ST6GALNAC5: variants seen among roughly 807,000 people sequenced by gnomAD.
The protein encoded by ST6GALNAC5 is ST6 N-acetylgalactosaminide alpha-2,6-sialyltransferase 5, also known as alpha-N-acetylgalactosaminide alpha-2,6-sialyltransferase 5.
A neutral mutation model predicts 33.6 loss-of-function variants in ST6GALNAC5; 27 were observed. The ratio of observed to expected loss-of-function variants is 0.80; its 90% CI spans 0.59 to 1.11. The LOEUF (loss-of-function observed/expected upper bound fraction) is 1.11. ST6GALNAC5 is among the 50% of genes least tolerant of loss of function. The probability of loss-of-function intolerance (pLI) is 0.00; values close to 1 mark genes in which losing one functional copy is unlikely to be tolerated. For synonymous variants in ST6GALNAC5, 194 were observed against 171.2 expected (o/e 1.13, Z -1.04); for missense variants, 428 against 454.0 (o/e 0.94, Z 0.52).
At chr1:77,040,608 C>T (rs996458205) in intron 2 of ST6GALNAC5, among the ~76,000 whole-genome samples, 4 of 152,132 alleles carry the variant, frequency 2.6e-5, no homozygotes, top group Non-Finnish European at 5.9e-5. Flanking sequence ...GCCCCTAAGG[C>T]GATGTGTTTC....
chr1:76,869,867 G>A (rs1522624), intron 2 of ST6GALNAC5, among the ~76,000 whole-genome samples: 4,452 of 152,280 alleles, frequency 0.029, 206 homozygotes, highest in African/African-American at 0.1. Flanking sequence ...AATGTGTGTA[G>A]ATGGATAAAC....
intron 2 of ST6GALNAC5, among the ~76,000 whole-genome samples, chr1:76,869,804 G>A (rs1229266356): frequency 1.3e-5 from 2 of 152,168 alleles, no homozygotes; most frequent in East Asian, 1.9e-4. Context: ...ATTTAAGGCA[G>A]GACCCAGTCT....
rs113863201 is a variant in ST6GALNAC5 at position 76,909,384 on chromosome 1, G to A, written c.261+40642G>A. On this transcript the variant is annotated intron_variant, in intron 2 of 4. Coordinates refer to ENST00000477717, the MANE Select transcript of ST6GALNAC5 (RefSeq NM_030965.3). Reference sequence around the variant, plus strand: ...AAAAATGGGGATTCTGCTGTTTAAAGGATCATCTTGCAGGGTTGTTATGAA... The same window carrying A: ...AAAAATGGGGATTCTGCTGTTTAAAAGATCATCTTGCAGGGTTGTTATGAA... Among the ~76,000 whole-genome samples, 9 of 152,136 alleles carry A rather than the reference G, an allele frequency of 5.9e-5. 1 individual carries two copies. Among genetic ancestry groups the A allele is most frequent in the African/African-American group, 2.2e-4 (9 of 41,542 alleles).
At chr1:76,911,882 G>GA (rs1225772501) in intron 2 of ST6GALNAC5, among the ~76,000 whole-genome samples, 1 of 152,088 alleles carries the variant, frequency 6.6e-6, no homozygotes, top group Non-Finnish European at 1.5e-5. Context: ...CCAGCTCCTG[G>GA]ATTCATTAAT....
At chr1:76,985,225 G>A (rs879983985) in intron 2 of ST6GALNAC5, among the ~76,000 whole-genome samples, 16 of 152,160 alleles carry the variant, frequency 1.1e-4, no homozygotes, top group African/African-American at 3.9e-4. Context: ...AAGTCAAATT[G>A]TCCCTTTTTG....
In ST6GALNAC5 at chr1:77,063,235, G is replaced by C. The variant is rs368101717; in HGVS notation, c.*29G>C. ...ATGAGCATGCCAGACTGTAATCCCA[G>C]GTATTCACTGCATCAGACACCGAGA... On this transcript the variant is annotated 3_prime_UTR_variant, in exon 5 of 5. Coordinates refer to ENST00000477717, the MANE Select transcript of ST6GALNAC5 (RefSeq NM_030965.3). The C allele has an allele frequency of 2.0e-5, 32 of 1,594,966 alleles. No homozygotes were observed. Among genetic ancestry groups the C allele is most frequent in the Non-Finnish European group, 2.7e-5 (31 of 1,163,974 alleles).
At position 76,916,046 on chromosome 1, in the gene ST6GALNAC5, G is replaced by T. The variant is rs115067431; in HGVS notation, c.261+47304G>T. 4.2e-3 allele frequency among the ~76,000 whole-genome samples: 637 copies of T among 150,424 alleles called. 7 individuals carry two copies. The highest frequency in any genetic ancestry group is 0.015 in the African/African-American group (603 of 41,144). On this transcript the variant is annotated intron_variant, in intron 2 of 4. Transcript: ENST00000477717. ...AAAAACTCATTGAAATACTCCTGTA[G>T]AATAGATTGCTCACTTTTCCTTGCT...
intron 2 of ST6GALNAC5, among the ~76,000 whole-genome samples, chr1:76,889,272 G>T (rs1653964151): frequency 6.6e-6 from 1 of 151,956 alleles, no homozygotes; most frequent in Non-Finnish European, 1.5e-5. Flanking sequence ...CTTCCAAATT[G>T]GATATTAGCA....
At chr1:76,891,470 T>C (rs920065306) in intron 2 of ST6GALNAC5, among the ~76,000 whole-genome samples, 4 of 152,212 alleles carry the variant, frequency 2.6e-5, no homozygotes, top group Non-Finnish European at 5.9e-5. Context: ...GTTTTTAATA[T>C]ATTCTGGATA....
At chr1:77,016,864 A>G (rs1480615527) in intron 2 of ST6GALNAC5, among the ~76,000 whole-genome samples, 1 of 152,170 alleles carries the variant, frequency 6.6e-6, no homozygotes, top group Non-Finnish European at 1.5e-5. Context: ...TCCCTTTTTA[A>G]TTGGGTGAAA....
intron 2 of ST6GALNAC5, among the ~76,000 whole-genome samples, chr1:76,968,163 T>C (rs1648578614): frequency 1.3e-5 from 2 of 152,188 alleles, no homozygotes; most frequent in African/African-American, 4.8e-5. Flanking sequence ...CGTTGATCTG[T>C]CTAATATTGA....
At chr1:76,960,180 T>A (rs1342125914) in intron 2 of ST6GALNAC5, among the ~76,000 whole-genome samples, 1 of 152,136 alleles carries the variant, frequency 6.6e-6, no homozygotes, top group Non-Finnish European at 1.5e-5. Flanking sequence ...TTTCCCTAAG[T>A]GTCAGTCGGT....
chr1:77,050,232 G>A, intron 3 of ST6GALNAC5, 26 bp from the exon 4 acceptor site: 4 of 1,601,964 alleles, frequency 2.5e-6, no homozygotes, highest in Non-Finnish European at 3.4e-6. Flanking sequence ...TTACCAGCTT[G>A]CAGACTTAAT....
intron 3 of ST6GALNAC5, among the ~76,000 whole-genome samples, chr1:77,047,695 C>G (rs903026050): frequency 2.0e-5 from 3 of 152,140 alleles, no homozygotes; most frequent in African/African-American, 7.2e-5. Flanking sequence ...GATTCAGAAC[C>G]AATATTATAG....
chr1:76,916,355 T>A (rs1308404674), intron 2 of ST6GALNAC5, among the ~76,000 whole-genome samples: 1 of 152,218 alleles, frequency 6.6e-6, no homozygotes, highest in Admixed American at 6.6e-5. Flanking sequence ...CTCAATCTTC[T>A]TGTTTTCTCT....
intron 2 of ST6GALNAC5, among the ~76,000 whole-genome samples, chr1:77,003,629 C>G (rs964854400): frequency 1.3e-5 from 2 of 152,058 alleles, no homozygotes; most frequent in African/African-American, 4.8e-5. Flanking sequence ...GCGGCTGGTA[C>G]TGGTTGTTCC....
At chr1:76,968,189 G>T (rs181877662) in intron 2 of ST6GALNAC5, among the ~76,000 whole-genome samples, 3 of 152,122 alleles carry the variant, frequency 2.0e-5, no homozygotes, top group Admixed American at 1.3e-4. Context: ...GGGTGTTAAA[G>T]TCTCCCATTA....
chr1:76,870,413 A>C (rs1046699345), intron 2 of ST6GALNAC5, among the ~76,000 whole-genome samples: 1 of 152,228 alleles, frequency 6.6e-6, no homozygotes, highest in Non-Finnish European at 1.5e-5. Context: ...AAATTTGCTG[A>C]AAGTTTTGAT....
intron 2 of ST6GALNAC5, among the ~76,000 whole-genome samples, chr1:76,935,249 A>T (rs1647188930): frequency 6.6e-6 from 1 of 152,130 alleles, no homozygotes; most frequent in Admixed American, 6.6e-5. Context: ...AGTGTGTCAA[A>T]GTGATTTTAT....
Sources: gnomAD v4.1 joint callset for allele counts (sites outside exome capture counted in the v4.1 genomes callset) on GRCh38, gnomAD v4.1.1 for gene constraint, MANE v1.5 for transcripts, NCBI Gene and HGNC (gene_info 2026-07-23, HGNC 2026-07-21) for gene names.